The following VWA3B variants were observed in gnomAD, a reference collection of about 807,000 sequenced individuals.
The protein encoded by VWA3B is von Willebrand factor A domain-containing protein 3B.
In VWA3B, 138 loss-of-function variants were observed where a neutral mutation model predicts 158.3. The ratio of observed to expected loss-of-function variants is 0.87; its 90% CI spans 0.76 to 1.00. VWA3B has a LOEUF of 1.00. Among genes scored for constraint, VWA3B ranks in the 50% least tolerant of loss-of-function variants. The pLI, the probability that VWA3B is intolerant of heterozygous loss-of-function variation, is 0.00. For synonymous variants in VWA3B, 596 were observed against 587.3 expected (o/e 1.01, Z -0.21); for missense variants, 1,555 against 1,565.1 (o/e 0.99, Z 0.11).
the VWA3B span, among the ~76,000 whole-genome samples, chr2:98,326,369 T>C: frequency 7.2e-5 from 11 of 152,226 alleles, no homozygotes; most frequent in African/African-American, 7.2e-5. Context: ...AATTACCTTA[T>C]ATCTATGAAA....
chr2:98,269,124 C>T lies in VWA3B; in HGVS notation c.2844-1558C>T, dbSNP rs141416315. 1.2e-3 allele frequency among the ~76,000 whole-genome samples: 188 copies of T among 152,218 alleles called. 5 individuals carry two copies. The highest frequency in any genetic ancestry group is 4.4e-3 in the African/African-American group (184 of 41,516). The stretch of plus-strand genomic sequence containing the variant: ...TCATATCTTTGTGTGCTTTTCCCTA[C>T]ATTTTTTATGCCTTATGATATTTAG... On this transcript the variant is annotated intron_variant, in intron 21 of 27. Transcript: ENST00000477737.
chr2:98,207,196 C>G (rs1160541564), intron 12 of VWA3B: 1 of 549,788 alleles, frequency 1.8e-6, no homozygotes, highest in Non-Finnish European at 3.7e-6. Context: ...TTGCCACTAC[C>G]AAGAGGAGAT....
intron 4 of VWA3B, among the ~76,000 whole-genome samples, chr2:98,120,074 CT>C (rs1674848022): frequency 6.6e-6 from 1 of 152,094 alleles, no homozygotes; most frequent in African/African-American, 2.4e-5. Flanking sequence ...GGCCATAAAT[CT>C]CTTCATTCAT....
chr2:98,222,944 A>C (rs932983369), intron 14 of VWA3B, among the ~76,000 whole-genome samples: 12 of 152,194 alleles, frequency 7.9e-5, no homozygotes, highest in African/African-American at 2.9e-4. Flanking sequence ...AGTGCCCATC[A>C]CACAAAGAGC....
intron 21 of VWA3B, chr2:98,269,457 A>T (rs1419831935): frequency 6.6e-6 from 1 of 152,294 alleles, no homozygotes; most frequent in East Asian, 1.9e-4. Context: ...TGACCTGCAA[A>T]ATATGCCACT....
chr2:98,213,322 C>G (rs1178645307), intron 13 of VWA3B, among the ~76,000 whole-genome samples: 3 of 152,196 alleles, frequency 2.0e-5, no homozygotes, highest in African/African-American at 7.2e-5. Context: ...GAGAGGAACT[C>G]TCGGAGGAGC....
chr2:98,306,436 C>A (rs1253531865), intron 26 of VWA3B, among the ~76,000 whole-genome samples: 2 of 152,056 alleles, frequency 1.3e-5, no homozygotes, highest in Non-Finnish European at 2.9e-5. Context: ...AAGGGGTGTG[C>A]GGCTCCACAG....
At chr2:98,089,076 G>A (rs754188693) in intron 1 of VWA3B, among the ~76,000 whole-genome samples, 22 of 152,002 alleles carry the variant, frequency 1.4e-4, no homozygotes, top group Non-Finnish European at 2.5e-4. Context: ...CACCGTGCCC[G>A]GCCAATATAT....
At chr2:98,138,009 G>T (rs1271219294) in intron 7 of VWA3B, among the ~76,000 whole-genome samples, 1 of 152,156 alleles carries the variant, frequency 6.6e-6, no homozygotes, top group Non-Finnish European at 1.5e-5. Flanking sequence ...GTGTGCAGGG[G>T]TACACATCGC....
At chr2:98,262,426 G>T (rs1208657380) in intron 21 of VWA3B, among the ~76,000 whole-genome samples, 1 of 151,706 alleles carries the variant, frequency 6.6e-6, no homozygotes. Flanking sequence ...TATTTAATCT[G>T]TTTGAGTTAG....
At chr2:98,276,950 G>A (rs2105906248) in intron 22 of VWA3B, among the ~76,000 whole-genome samples, 1 of 152,280 alleles carries the variant, frequency 6.6e-6, no homozygotes, top group South Asian at 2.1e-4. Flanking sequence ...GTAAGAACCA[G>A]CGGTGGGAAG....
At chr2:98,244,449 T>C (rs1158035201) in intron 19 of VWA3B, among the ~76,000 whole-genome samples, 1 of 152,180 alleles carries the variant, frequency 6.6e-6, no homozygotes, top group African/African-American at 2.4e-5. Context: ...AAGCTGTTTT[T>C]CACATTATTC....
intron 12 of VWA3B, chr2:98,207,159 C>A: frequency 1.8e-6 from 1 of 546,756 alleles, no homozygotes; most frequent in East Asian, 4.9e-5. Context: ...TGGCCACTGA[C>A]ATGGTGGGTA....
At chr2:98,222,995 AT>A (rs1376966106) in intron 14 of VWA3B, among the ~76,000 whole-genome samples, 1 of 152,252 alleles carries the variant, frequency 6.6e-6, no homozygotes, top group African/African-American at 2.4e-5. Flanking sequence ...CAAACAAATG[AT>A]GCCAACACTG....
chr2:98,191,517 A>C (rs529101232), intron 10 of VWA3B, among the ~76,000 whole-genome samples: 5 of 152,296 alleles, frequency 3.3e-5, no homozygotes, highest in African/African-American at 1.2e-4. Context: ...ATTGCTTTTC[A>C]GTTATGTTAG....
intron 6 of VWA3B, 94 bp downstream of exon 6, chr2:98,128,502 A>G (rs1398728821): frequency 7.6e-7 from 1 of 1,314,656 alleles, no homozygotes; most frequent in Non-Finnish European, 1.1e-6. Context: ...GCTTTAACCA[A>G]TCTGTTGCTG....
At chr2:98,326,211 G>T in the VWA3B span, among the ~76,000 whole-genome samples, 1 of 151,952 alleles carries the variant, frequency 6.6e-6, no homozygotes, top group African/African-American at 2.4e-5. Flanking sequence ...ATACAAAGGG[G>T]TTATCACTAC....
chr2:98,230,012 C>G, intron 15 of VWA3B, 38 bp from the exon 16 acceptor site: 7 of 1,535,016 alleles, frequency 4.6e-6, no homozygotes, highest in Non-Finnish European at 6.1e-6. Context: ...TCTTTTCTCT[C>G]TCTTTTTTTG....
rs1685090659 is a variant in VWA3B, at chr2:98,228,395, T to C, written c.2150+63T>C. The C allele has an allele frequency of 2.0e-6, 3 of 1,525,208 alleles. No individual in the cohort carries two copies. In the Admixed American group the frequency reaches 6.4e-5, roughly 33 times the overall value. The allele number at this position is 1,525,208 out of a possible 1,614,324, so 94.5% of individuals were successfully genotyped here. On this transcript the variant is annotated intron_variant, in intron 15 of 27. Transcript: ENST00000477737. ...CCTCTTGAGAGCTGGGCTTGCCCCC[T>C]GGGCCCTTGTCCTTTCTGAAATGCT...
Sources: gnomAD v4.1 joint callset for allele counts (sites outside exome capture counted in the v4.1 genomes callset) on GRCh38, gnomAD v4.1.1 for gene constraint, MANE v1.5 for transcripts, NCBI Gene and HGNC (gene_info 2026-07-23, HGNC 2026-07-21) for gene names.